The following SCARB1 variants were observed in gnomAD, a reference collection of about 807,000 sequenced individuals.
SCARB1 encodes the protein scavenger receptor class B member 1, also known as CD36 and LIMPII analogous 1.
SCARB1 carries 30 observed loss-of-function variants against 57.2 expected under a neutral mutation model. That is an observed-to-expected ratio of 0.52 (90% CI 0.39 to 0.71). The LOEUF is 0.71. Among genes scored for constraint, SCARB1 ranks in the 30% least tolerant of loss-of-function variants. SCARB1 has a pLI of 0.00. For synonymous variants in SCARB1, 249 were observed against 268.3 expected, an observed-to-expected ratio of 0.93 and a Z score of 0.70; for missense variants, 543 against 671.2, an observed-to-expected ratio of 0.81 and a Z score of 2.11.
At chr12:124,820,193 G>C (rs565183244) in intron 1 of SCARB1, among the ~76,000 whole-genome samples, 1 of 152,246 alleles carries the variant, frequency 6.6e-6, no homozygotes, top group South Asian at 2.1e-4. Flanking sequence ...TAACAGAAGC[G>C]AGCATTTCCG....
At chr12:124,845,891 A>G (rs1952130322) in intron 1 of SCARB1, among the ~76,000 whole-genome samples, 1 of 151,592 alleles carries the variant, frequency 6.6e-6, no homozygotes, top group Admixed American at 6.6e-5. Context: ...AGGCGCCTGT[A>G]GTCCCAGCTA....
chr12:124,801,849 A>AAAAAT (rs576150965), intron 7 of SCARB1, among the ~76,000 whole-genome samples: 8 of 151,248 alleles, frequency 5.3e-5, no homozygotes, highest in African/African-American at 1.7e-4. Context: ...GTGTCTCAAA[A>AAAAAT]AAAATAAAAT....
At chr12:124,795,107 G>T in intron 9 of SCARB1, 88 bp downstream of exon 9, 1 of 1,095,560 alleles carries the variant, frequency 9.1e-7, no homozygotes, top group Non-Finnish European at 1.4e-6. Context: ...GGTTCCTGGG[G>T]TATGTCACTG....
chr12:124,798,911 G>T (rs1217105621), intron 8 of SCARB1, among the ~76,000 whole-genome samples: 1 of 152,086 alleles, frequency 6.6e-6, no homozygotes, highest in Non-Finnish European at 1.5e-5. Flanking sequence ...ACCAGGGGCA[G>T]GGATGGGGAA....
intron 6 of SCARB1, among the ~76,000 whole-genome samples, chr12:124,808,351 C>T (rs1950397518): frequency 6.6e-6 from 1 of 152,182 alleles, no homozygotes; most frequent in Non-Finnish European, 1.5e-5. Context: ...TATCATGCCC[C>T]TGCTGAAAAT....
intron 11 of SCARB1, chr12:124,783,179 T>C: frequency 4.4e-6 from 1 of 228,440 alleles, no homozygotes; most frequent in East Asian, 1.1e-4. Flanking sequence ...TAAAATACTT[T>C]TGATTTATTT....
chr12:124,794,734 C>T (rs1435274589), intron 9 of SCARB1, among the ~76,000 whole-genome samples: 1 of 152,130 alleles, frequency 6.6e-6, no homozygotes, highest in South Asian at 2.1e-4. Flanking sequence ...AGTTTGAGAC[C>T]AGCCTGACCA....
chr12:124,848,966 C>T (rs571760909), intron 1 of SCARB1, among the ~76,000 whole-genome samples: 2 of 152,364 alleles, frequency 1.3e-5, no homozygotes, highest in East Asian at 3.9e-4. Context: ...TTACTTGACA[C>T]TTGCCGAGCT....
chr12:124,801,287 T>A (rs1317921425), intron 7 of SCARB1, among the ~76,000 whole-genome samples: 1 of 138,312 alleles, frequency 7.2e-6, no homozygotes, highest in Non-Finnish European at 1.5e-5. Flanking sequence ...GACCAGGGGC[T>A]GGGGGAGGGG....
At position 124,814,651 on chromosome 12, in the gene SCARB1, C is replaced by T. The variant is rs1196693519; in HGVS notation, c.427-246G>A. 6.6e-6 allele frequency among the ~76,000 whole-genome samples: 1 copy of T among 152,224 alleles called. No homozygotes were observed. Among genetic ancestry groups the T allele is most frequent in the South Asian group, 2.1e-4 (1 of 4,832 alleles). ...CCCCACTGGACTCAGGCTAAGTGAA[C>T]TCCAGCCCCAGTCCCAGAGGCGGGC... is the stretch of plus-strand genomic sequence containing the variant. On this transcript the variant is annotated intron_variant, in intron 3 of 12. Coordinates refer to ENST00000261693, the MANE Select transcript of SCARB1 (RefSeq NM_005505.5). This position sits in a 1 kb window ranked among gnomAD's most constrained non-coding sequence, Gnocchi z 4.7.
chr12:124,816,734 A>G (rs1360248567), intron 2 of SCARB1, among the ~76,000 whole-genome samples: 1 of 152,080 alleles, frequency 6.6e-6, no homozygotes. Flanking sequence ...TAACAGGCAC[A>G]TCCGCCAGCC....
intron 1 of SCARB1, among the ~76,000 whole-genome samples, chr12:124,827,759 T>C (rs1305751666): frequency 6.6e-6 from 1 of 152,176 alleles, no homozygotes; most frequent in Non-Finnish European, 1.5e-5. Context: ...ACATGCCCCC[T>C]TCTCAGAAGG....
rs1478845841 is a variant in SCARB1, at chr12:124,807,361, C to T, written c.1009+400G>A. 6.6e-6 allele frequency among the ~76,000 whole-genome samples: 1 copy of T among 152,050 alleles called. No homozygotes were observed. Among genetic ancestry groups the T allele is most frequent in the Non-Finnish European group, 1.5e-5 (1 of 68,010 alleles). On this transcript the variant is annotated intron_variant, in intron 7 of 12. Coordinates refer to ENST00000261693, the MANE Select transcript of SCARB1 (RefSeq NM_005505.5). This position sits in a 1 kb window ranked among gnomAD's most constrained non-coding sequence, Gnocchi z 5.3. ...ATCAGAAGGATGCCATGTTGCTGGCCTCAAAGGTGGAGGAAGGGCCCGGGA... is the reference window on the plus strand; with the variant it reads ...ATCAGAAGGATGCCATGTTGCTGGCTTCAAAGGTGGAGGAAGGGCCCGGGA...
chr12:124,851,422 T>G (rs945782351), intron 1 of SCARB1, among the ~76,000 whole-genome samples: 2 of 150,908 alleles, frequency 1.3e-5, no homozygotes, highest in African/African-American at 4.9e-5. Flanking sequence ...CTTATGAGGG[T>G]CACTGCTGTT....
chr12:124,815,926 GTTAA>G (rs1174133889), intron 2 of SCARB1, among the ~76,000 whole-genome samples: 2 of 151,890 alleles, frequency 1.3e-5, no homozygotes, highest in Non-Finnish European at 1.5e-5. Flanking sequence ...TTGCATGCAG[GTTAA>G]AATCAGGCTC....
At chr12:124,790,625 A>G (rs1949690591) in intron 9 of SCARB1, among the ~76,000 whole-genome samples, 1 of 152,228 alleles carries the variant, frequency 6.6e-6, no homozygotes, top group African/African-American at 2.4e-5. Flanking sequence ...TTGTGACAGC[A>G]GCAAAAGGAA....
chr12:124,863,485 C>G (rs1192300128), intron 1 of SCARB1, 110 bp downstream of exon 1: 2 of 1,199,742 alleles, frequency 1.7e-6, no homozygotes, highest in Non-Finnish European at 2.3e-6. Context: ...CAGGCCCGGG[C>G]GCCGATTCCG....
At chr12:124,857,014 G>A (rs903031495) in intron 1 of SCARB1, among the ~76,000 whole-genome samples, 1 of 152,138 alleles carries the variant, frequency 6.6e-6, no homozygotes, top group African/African-American at 2.4e-5. Flanking sequence ...CCCTGGTGAT[G>A]CACAGAAAAG....
In SCARB1 at chr12:124,814,120, G is replaced by T; in HGVS notation, c.630+82C>A. On this transcript the variant is annotated intron_variant, in intron 4 of 12. Transcript: ENST00000261693. This position sits in a 1 kb window ranked among gnomAD's most constrained non-coding sequence, Gnocchi z 4.7. ...AGATCCCCAGCCAGCTACAAAGCAA[G>T]CTGGTGACCAGTGTCCAGGCTGTGT... The T allele has an allele frequency of 7.5e-7, 1 of 1,325,034 alleles. No homozygotes were observed. Among genetic ancestry groups the T allele is most frequent in the Non-Finnish European group, 1.1e-6 (1 of 917,820 alleles). 82.1% of individuals were successfully genotyped at this position (1,325,034 alleles called of 1,614,324 possible).
Sources: gnomAD v4.1 joint callset for allele counts (sites outside exome capture counted in the v4.1 genomes callset) on GRCh38, gnomAD v4.1.1 for gene constraint, Gnocchi (gnomAD v3.1) non-coding constraint, MANE v1.5 for transcripts, NCBI Gene and HGNC (gene_info 2026-07-23, HGNC 2026-07-21) for gene names.